LRCH2: variants seen among roughly 807,000 people sequenced by gnomAD.
LRCH2 encodes the protein leucine-rich repeat and calponin homology domain-containing protein 2.
In LRCH2, 38 loss-of-function variants were observed where a neutral mutation model predicts 68.9. The observed-to-expected ratio is 0.55, with a 90% confidence interval of 0.43 to 0.72. LRCH2 has a LOEUF of 0.72. Among genes scored for constraint, LRCH2 ranks in the 30% least tolerant of loss-of-function variants. The pLI is 0.00. For missense variants in LRCH2, 528 were observed against 572.9 expected (o/e 0.92, Z 0.80); for synonymous variants, 191 against 208.1 (o/e 0.92, Z 0.71).
intron 1 of LRCH2, among the ~76,000 whole-genome samples, chrX:115,202,941 C>A (rs1359416740): frequency 9.0e-6 from 1 of 111,246 alleles, no homozygotes; most frequent in Non-Finnish European, 1.9e-5. Flanking sequence ...TCAATGGTTG[C>A]CATAATTTGG....
At chrX:115,167,485 G>C (rs1556545765) in intron 6 of LRCH2, among the ~76,000 whole-genome samples, 3 of 109,504 alleles carry the variant, frequency 2.7e-5, no homozygotes, top group Non-Finnish European at 5.7e-5. Context: ...AGTTAGGAAA[G>C]GCATCACTCA....
intron 12 of LRCH2, among the ~76,000 whole-genome samples, chrX:115,155,694 C>T (rs951503914): frequency 5.4e-4 from 60 of 111,926 alleles, no homozygotes; most frequent in African/African-American, 1.9e-3. Context: ...TAACCCATTT[C>T]ATCCTTACAG....
At chrX:115,130,471 T>C (rs1331687079) in intron 14 of LRCH2, among the ~76,000 whole-genome samples, 2 of 111,788 alleles carry the variant, frequency 1.8e-5, no homozygotes, top group African/African-American at 6.5e-5. Context: ...AGGTGTGCAA[T>C]CTGAGGGTTG....
chrX:115,116,468 T>C (rs925592256), intron 20 of LRCH2, among the ~76,000 whole-genome samples: 1 of 111,046 alleles, frequency 9.0e-6, no homozygotes, highest in Non-Finnish European at 1.9e-5. Context: ...CCACATATTG[T>C]ATGATTTCAT....
At chrX:115,133,232 T>C (rs1449896056) in intron 14 of LRCH2, among the ~76,000 whole-genome samples, 1 of 112,218 alleles carries the variant, frequency 8.9e-6, no homozygotes, top group African/African-American at 3.2e-5. Context: ...GCTGCTCCTC[T>C]CACATCAAAG....
At chrX:115,179,111 C>A (rs1430792374) in intron 5 of LRCH2, among the ~76,000 whole-genome samples, 1 of 111,864 alleles carries the variant, frequency 8.9e-6, no homozygotes, top group African/African-American at 3.3e-5. Context: ...ATCAATCCCA[C>A]AACAAATCCC....
At chrX:115,164,132 T>A (rs1453008589) in intron 10 of LRCH2, among the ~76,000 whole-genome samples, 1 of 111,802 alleles carries the variant, frequency 8.9e-6, no homozygotes, top group Non-Finnish European at 1.9e-5. Flanking sequence ...ATGGCCTGTC[T>A]TAATACATAA....
At chrX:115,118,156 G>T (rs1301435369) in intron 20 of LRCH2, among the ~76,000 whole-genome samples, 3 of 109,601 alleles carry the variant, frequency 2.7e-5, no homozygotes, top group Non-Finnish European at 5.7e-5. Context: ...AGTCCAGCCT[G>T]GGCAACACAG....
chrX:115,140,519 C>G (rs1196079314), intron 14 of LRCH2, among the ~76,000 whole-genome samples: 3 of 111,739 alleles, frequency 2.7e-5, no homozygotes, highest in Non-Finnish European at 5.6e-5. Flanking sequence ...GGAACCCACT[C>G]AGACACAGTG....
intron 12 of LRCH2, among the ~76,000 whole-genome samples, chrX:115,154,310 A>G (rs113556474): frequency 0.026 from 2,961 of 111,868 alleles, 88 homozygotes; most frequent in African/African-American, 0.091. Flanking sequence ...AGTGTTGGAG[A>G]TTTCAATAAC....
intron 12 of LRCH2, among the ~76,000 whole-genome samples, chrX:115,155,999 T>C (rs951390052): frequency 9.0e-6 from 1 of 111,460 alleles, no homozygotes; most frequent in Non-Finnish European, 1.9e-5. Context: ...ACTCTTCCAT[T>C]GTGCAGAAGA....
At chrX:115,189,703 G>C in intron 1 of LRCH2, 12 of 1,167,686 alleles carry the variant, frequency 1.0e-5, no homozygotes, top group Non-Finnish European at 1.4e-5. Flanking sequence ...CATCAAACCG[G>C]CATTCAAGAG....
chrX:115,160,248 G>A (rs1393012419), intron 11 of LRCH2, among the ~76,000 whole-genome samples: 1 of 110,927 alleles, frequency 9.0e-6, no homozygotes, highest in East Asian at 2.8e-4. Context: ...CCCGGGAGGT[G>A]GAGGTTGTGG....
chrX:115,232,869 A>G (rs782586557), intron 1 of LRCH2, among the ~76,000 whole-genome samples: 31 of 112,128 alleles, frequency 2.8e-4, no homozygotes, highest in Non-Finnish European at 4.9e-4. Context: ...CAGCCACAAC[A>G]AAGACTACCA....
chrX:115,120,104 G>A (rs1486388605), intron 20 of LRCH2, among the ~76,000 whole-genome samples: 1 of 102,173 alleles, frequency 9.8e-6, no homozygotes, highest in African/African-American at 3.6e-5. Context: ...CAGGACATAG[G>A]CATGGGCAAG....
At chrX:115,196,275 A>G (rs997032422) in intron 1 of LRCH2, among the ~76,000 whole-genome samples, 6 of 111,005 alleles carry the variant, frequency 5.4e-5, no homozygotes, top group African/African-American at 2.0e-4. Context: ...GTTGGCTGCC[A>G]CAGATGGGAT....
chrX:115,177,935 T>A (rs1426167878), intron 5 of LRCH2, among the ~76,000 whole-genome samples: 1 of 111,659 alleles, frequency 9.0e-6, no homozygotes, highest in South Asian at 3.8e-4. Context: ...TGTAAATTAA[T>A]CAAATCTAAA....
intron 14 of LRCH2, among the ~76,000 whole-genome samples, chrX:115,134,185 G>C (rs2072269336): frequency 8.9e-6 from 1 of 112,165 alleles, no homozygotes; most frequent in African/African-American, 3.2e-5. Flanking sequence ...ATGAAGTCAA[G>C]GTGAGGAAGC....
rs1275546109 is a variant in LRCH2, at chrX:115,112,426, G to C, written c.*790C>G. 9.0e-6 allele frequency: 1 copy of C among 111,427 alleles called. No homozygotes were observed. The highest frequency in any genetic ancestry group is 3.3e-5 in the African/African-American group (1 of 30,700). The allele number at this position is 111,427 out of a possible 1,213,427, so 9.2% of individuals were successfully genotyped here. On this transcript the variant is annotated 3_prime_UTR_variant, in exon 21 of 21. Transcript: ENST00000317135. ...TAATCATATTAACATTGGTATTTTT[G>C]ACAACATGAAATAACCAATTTAAGG...
Sources: allele counts gnomAD v4.1 joint callset (sites outside exome capture counted in the v4.1 genomes callset), GRCh38; gene constraint gnomAD v4.1.1; transcripts MANE v1.5; gene names NCBI Gene and HGNC (gene_info 2026-07-23, HGNC 2026-07-21).